The following STK31 variants were observed in gnomAD, a reference collection of about 807,000 sequenced individuals.
STK31 encodes the protein serine/threonine kinase 31.
In STK31, 89 loss-of-function variants were observed where a neutral mutation model predicts 129.7. The observed-to-expected ratio is 0.69, with a 90% confidence interval of 0.58 to 0.82. The LOEUF (loss-of-function observed/expected upper bound fraction) is 0.82, where lower values mean the gene tolerates loss of function less well. Ranked by LOEUF, STK31 falls within the 40% of genes least tolerant of loss-of-function variation. The pLI is 0.00. For synonymous variants in STK31, 448 were observed against 395.3 expected, an observed-to-expected ratio of 1.13 and a Z score of -1.58; for missense variants, 1,187 against 1,176.4, an observed-to-expected ratio of 1.01 and a Z score of -0.13.
At position 23,712,139 on chromosome 7, in the gene STK31, G is replaced by A. The variant is rs1282523650; in HGVS notation, c.91G>A (p.Asp31Asn). ...TCAAATGGATGAAGATACACATTACGATAAAGGTACTGACACTAAAAATTA... is the reference window on the plus strand; with the variant it reads ...TCAAATGGATGAAGATACACATTACAATAAAGGTACTGACACTAAAAATTA... ...IVQMDEDTHY[D>N]KVEDVVGSHI... The change falls in exon 2 of 24, where the codon GAT becomes AAT. Residue 31 changes from aspartate (D) to asparagine (N), a missense_variant. This residue lies in a region of STK31 where 104 missense variants were observed against 98.3 expected (regional missense o/e 1.06). Coordinates refer to ENST00000355870, the MANE Select transcript of STK31 (RefSeq NM_031414.5). 4.3e-6 allele frequency: 7 copies of A among 1,612,796 alleles called. No homozygotes were observed. The highest frequency in any genetic ancestry group is 1.7e-4 in the Middle Eastern group (1 of 6,060).
chr7:23,815,833 T>G (rs1219544004), intron 23 of STK31, among the ~76,000 whole-genome samples: 1 of 151,916 alleles, frequency 6.6e-6, no homozygotes, highest in Non-Finnish European at 1.5e-5. Context: ...AAAAAAGTAC[T>G]TGGGGGGAAG....
At chr7:23,791,053 G>A (rs541950294) in intron 22 of STK31, 107 bp downstream of exon 22, 1 of 1,091,106 alleles carries the variant, frequency 9.2e-7, no homozygotes, top group African/African-American at 1.6e-5. Flanking sequence ...CAGACTTTTA[G>A]TAGAACTTTA....
At chr7:23,784,607 G>T (rs1373889359) in intron 17 of STK31, among the ~76,000 whole-genome samples, 1 of 151,828 alleles carries the variant, frequency 6.6e-6, no homozygotes, top group Non-Finnish European at 1.5e-5. Flanking sequence ...GCTTTCTGAT[G>T]TTTAACTGTA....
intron 6 of STK31, among the ~76,000 whole-genome samples, chr7:23,730,878 A>ATATATATATATATATTTT: frequency 3.4e-5 from 2 of 59,538 alleles, no homozygotes; most frequent in Non-Finnish European, 3.3e-5. Context: ...ATATATATAT[A>ATATATATATATATATTTT]TTTTTTTTTT....
chr7:23,812,973 T>C (rs1307623463), intron 22 of STK31, among the ~76,000 whole-genome samples: 1 of 152,166 alleles, frequency 6.6e-6, no homozygotes, highest in Non-Finnish European at 1.5e-5. Flanking sequence ...CTGTAGTCAC[T>C]ATTTTAAAAT....
chr7:23,710,350 T>C lies in STK31; in HGVS notation c.50+15T>C, dbSNP rs1487676577. On this transcript the variant is annotated intron_variant, in intron 1 of 23. Coordinates refer to ENST00000355870, the MANE Select transcript of STK31 (RefSeq NM_031414.5). ...GAAAGTGTGAGGTCAGTAGTAGTTT[T>C]TGTGGTACGTGCAGTGGTGGCCGCT... 3 of 1,613,352 alleles carry C rather than the reference T, an allele frequency of 1.9e-6. No homozygotes were observed. The highest frequency in any genetic ancestry group is 2.7e-5 in the African/African-American group (2 of 74,936).
At chr7:23,714,783 GT>G (rs966341888) in intron 3 of STK31, among the ~76,000 whole-genome samples, 11 of 148,134 alleles carry the variant, frequency 7.4e-5, no homozygotes, top group African/African-American at 2.2e-4. Context: ...AGAGTCAGCA[GT>G]TTTTTTTTTG....
At chr7:23,747,053 A>C (rs1176831899) in intron 8 of STK31, among the ~76,000 whole-genome samples, 4 of 152,012 alleles carry the variant, frequency 2.6e-5, no homozygotes, top group Non-Finnish European at 5.9e-5. Context: ...GTTTCTTTTC[A>C]TACATTGTTG....
intron 1 of STK31, chr7:23,710,727 T>C: frequency 9.4e-7 from 1 of 1,065,528 alleles, no homozygotes; most frequent in East Asian, 7.1e-5. Context: ...TTGTGATCTC[T>C]GTTTGCAGAA....
At chr7:23,815,982 T>C (rs1793446866) in intron 23 of STK31, among the ~76,000 whole-genome samples, 1 of 152,156 alleles carries the variant, frequency 6.6e-6, no homozygotes, top group Admixed American at 6.5e-5. Context: ...AAGATTACAA[T>C]GAAAGAGTAC....
chr7:23,744,999 A>G (rs1360746013), intron 8 of STK31, among the ~76,000 whole-genome samples: 1 of 152,188 alleles, frequency 6.6e-6, no homozygotes, highest in Non-Finnish European at 1.5e-5. Flanking sequence ...GCTCTTAGGC[A>G]GTGGGCACGA....
At chr7:23,830,087 C>G (rs1327979554) in intron 23 of STK31, among the ~76,000 whole-genome samples, 2 of 151,664 alleles carry the variant, frequency 1.3e-5, no homozygotes, top group Non-Finnish European at 3.0e-5. Context: ...GTAGCTGGGA[C>G]TACAGGCGCC....
chr7:23,795,507 C>A (rs574859267), intron 22 of STK31, among the ~76,000 whole-genome samples: 1 of 152,202 alleles, frequency 6.6e-6, no homozygotes. Flanking sequence ...GGCTCCCACA[C>A]AGAGCCCCAA....
At chr7:23,721,853 C>T (rs912006265) in intron 4 of STK31, 2 of 483,374 alleles carry the variant, frequency 4.1e-6, no homozygotes, top group African/African-American at 3.9e-5. Flanking sequence ...ACCCTTTCTT[C>T]CACTTGATCA....
At position 23,791,734 on chromosome 7, in the gene STK31, A is replaced by G. The variant is rs1188438531; in HGVS notation, c.2760+788A>G. On this transcript the variant is annotated intron_variant, in intron 22 of 23. Transcript: ENST00000355870. Reference sequence around the variant, plus strand: ...TGACAAAACCTTATCTTTGTTGATCACATAAATAAAAATAATCTCCTTGTT... The same window carrying G: ...TGACAAAACCTTATCTTTGTTGATCGCATAAATAAAAATAATCTCCTTGTT... Among the ~76,000 whole-genome samples, 5 of 152,356 alleles carry G rather than the reference A, an allele frequency of 3.3e-5. No homozygotes were observed. In the East Asian group the frequency reaches 9.6e-4, roughly 29 times the overall value.
intron 23 of STK31, among the ~76,000 whole-genome samples, chr7:23,823,931 G>T (rs1220270311): frequency 6.6e-6 from 1 of 152,024 alleles, no homozygotes; most frequent in African/African-American, 2.4e-5. Context: ...TATTTCTGAG[G>T]CCTCTGTTCT....
chr7:23,816,876 G>A (rs1793498985), intron 23 of STK31, among the ~76,000 whole-genome samples: 2 of 152,140 alleles, frequency 1.3e-5, no homozygotes, highest in South Asian at 4.1e-4. Flanking sequence ...GGCAATCTTA[G>A]AAGTCTGCTT....
chr7:23,735,918 AT>A (rs775476687), intron 7 of STK31, 22 bp downstream of exon 7: 1 of 1,528,426 alleles, frequency 6.5e-7, no homozygotes, highest in Non-Finnish European at 8.8e-7. Context: ...GTCTTCACTA[AT>A]TTCTAATTGA....
intron 15 of STK31, among the ~76,000 whole-genome samples, chr7:23,778,493 C>A (rs990799689): frequency 2.6e-5 from 4 of 152,096 alleles, no homozygotes; most frequent in African/African-American, 4.8e-5. Flanking sequence ...TAGGTTTGGT[C>A]TTTTCACATA....
Sources: gnomAD v4.1 joint callset for allele counts (sites outside exome capture counted in the v4.1 genomes callset) on GRCh38, gnomAD v4.1.1 for gene constraint, gnomAD v4.1.1 regional missense constraint, MANE v1.5 for transcripts, NCBI Gene and HGNC (gene_info 2026-07-23, HGNC 2026-07-21) for gene names.